The following EPB41L4B variants were observed in gnomAD, a reference collection of about 807,000 sequenced individuals.
EPB41L4B encodes band 4.1-like protein 4B.
EPB41L4B carries 30 observed loss-of-function variants against 112.5 expected under a neutral mutation model. The ratio of observed to expected loss-of-function variants is 0.27; its 90% CI spans 0.20 to 0.36. The LOEUF (loss-of-function observed/expected upper bound fraction) is 0.36, where lower values mean the gene tolerates loss of function less well. EPB41L4B is among the 10% of genes least tolerant of loss of function. The probability of loss-of-function intolerance (pLI) is 1.00; values close to 1 mark genes in which losing one functional copy is unlikely to be tolerated. For missense variants in EPB41L4B, 1,024 were observed against 1,133.3 expected, an observed-to-expected ratio of 0.90 and a Z score of 1.38; for synonymous variants, 408 against 439.7, an observed-to-expected ratio of 0.93 and a Z score of 0.90.
intron 15 of EPB41L4B, among the ~76,000 whole-genome samples, chr9:109,223,694 G>A (rs553168022): frequency 1.6e-4 from 24 of 152,196 alleles, no homozygotes; most frequent in African/African-American, 4.3e-4. Flanking sequence ...CATCCAGTTC[G>A]GTGGTTTGAA....
chr9:109,216,882 C>T lies in EPB41L4B; in HGVS notation c.1633+40G>A, dbSNP rs200083397. ...GGAACTCTCGTGCCCTGCAGCATTG[C>T]TCCCCCTTCTCCTGCCTTGCCCCCT... is the stretch of plus-strand genomic sequence containing the variant. On this transcript the variant is annotated intron_variant, in intron 16 of 25. Coordinates refer to ENST00000374566, the MANE Select transcript of EPB41L4B (RefSeq NM_019114.5). The T allele has an allele frequency of 1.8e-3, 2,935 of 1,589,516 alleles. 4 individuals carry two copies. The highest frequency in any genetic ancestry group is 2.2e-3 in the Non-Finnish European group (2,597 of 1,158,304).
intron 17 of EPB41L4B, among the ~76,000 whole-genome samples, chr9:109,213,332 A>G (rs960609643): frequency 6.6e-6 from 1 of 152,050 alleles, no homozygotes; most frequent in East Asian, 1.9e-4. Flanking sequence ...CCATCTGCAA[A>G]TGGTTACTGA....
At chr9:109,239,499 G>T (rs1834278447) in intron 15 of EPB41L4B, among the ~76,000 whole-genome samples, 1 of 152,178 alleles carries the variant, frequency 6.6e-6, no homozygotes, top group Non-Finnish European at 1.5e-5. Flanking sequence ...GAAGACTTGG[G>T]TAGACTGTGG....
chr9:109,270,768 G>C (rs545798630), intron 2 of EPB41L4B, among the ~76,000 whole-genome samples: 4 of 152,242 alleles, frequency 2.6e-5, no homozygotes, highest in African/African-American at 9.6e-5. Flanking sequence ...TCCCTCTACT[G>C]TCAAAGTCTC....
chr9:109,252,976 T>A (rs1276471945), intron 12 of EPB41L4B, among the ~76,000 whole-genome samples: 1 of 151,760 alleles, frequency 6.6e-6, no homozygotes, highest in Non-Finnish European at 1.5e-5. Context: ...AATTTAAGGG[T>A]GAGGAAAGTT....
At chr9:109,214,026 A>G (rs1052545607) in intron 16 of EPB41L4B, among the ~76,000 whole-genome samples, 1 of 152,144 alleles carries the variant, frequency 6.6e-6, no homozygotes. Context: ...CCCACACATG[A>G]GCTGGACGCC....
At chr9:109,177,993 C>T (rs1342666989) in intron 24 of EPB41L4B, among the ~76,000 whole-genome samples, 2 of 150,918 alleles carry the variant, frequency 1.3e-5, no homozygotes, top group Non-Finnish European at 1.5e-5. Context: ...AATGAGAGCT[C>T]GCTGCAGCCT....
At chr9:109,256,297 AAC>A in intron 8 of EPB41L4B, 73 bp from the exon 9 acceptor site, 2 of 1,588,094 alleles carry the variant, frequency 1.3e-6, no homozygotes, top group Admixed American at 1.7e-5. Flanking sequence ...AAAATGCAAA[AAC>A]AGTTTCCTCA....
At chr9:109,196,307 C>G (rs1381389695) in intron 20 of EPB41L4B, 1 of 151,980 alleles carries the variant, frequency 6.6e-6, no homozygotes, top group Non-Finnish European at 1.5e-5. Context: ...CCAAAGTGAG[C>G]ACTATTGAAT....
intron 15 of EPB41L4B, chr9:109,240,483 A>G: frequency 7.1e-6 from 7 of 985,402 alleles, no homozygotes; most frequent in Non-Finnish European, 7.2e-6. Flanking sequence ...AATTACATAT[A>G]CAAAAATGGC....
At chr9:109,175,468 AACAC>A (rs59210551) in intron 25 of EPB41L4B, among the ~76,000 whole-genome samples, 1,709 of 129,372 alleles carry the variant, frequency 0.013, 33 homozygotes, top group East Asian at 0.11. Context: ...CCACTGTTTA[AACAC>A]ACACACACAC....
intron 24 of EPB41L4B, among the ~76,000 whole-genome samples, chr9:109,177,214 A>G (rs1286841305): frequency 6.6e-6 from 1 of 152,162 alleles, no homozygotes; most frequent in Non-Finnish European, 1.5e-5. Context: ...GGGGTTTTTC[A>G]TTACTGTAGC....
intron 11 of EPB41L4B, 109 bp downstream of exon 11, chr9:109,255,402 C>T: frequency 7.5e-7 from 1 of 1,337,496 alleles, no homozygotes; most frequent in South Asian, 1.4e-5. Flanking sequence ...ATGGGACACA[C>T]AACCTAAGTT....
chr9:109,221,392 T>A (rs1833568377), intron 15 of EPB41L4B, among the ~76,000 whole-genome samples: 1 of 152,224 alleles, frequency 6.6e-6, no homozygotes, highest in Non-Finnish European at 1.5e-5. Context: ...CTGCAGAGAC[T>A]GGGAGCTCAT....
At chr9:109,243,547 A>G in intron 15 of EPB41L4B, 71 bp downstream of exon 15, 1 of 1,436,928 alleles carries the variant, frequency 7.0e-7, no homozygotes. Context: ...ACTCCTAACT[A>G]AGCAGAATCT....
intron 15 of EPB41L4B, chr9:109,239,979 T>C (rs926426579): frequency 5.4e-5 from 53 of 985,314 alleles, no homozygotes; most frequent in Non-Finnish European, 6.4e-5. Context: ...GCTGTGCCTA[T>C]AAGATCCACT....
intron 1 of EPB41L4B, among the ~76,000 whole-genome samples, chr9:109,314,297 A>G (rs1055315759): frequency 1.3e-5 from 2 of 152,222 alleles, no homozygotes; most frequent in Non-Finnish European, 2.9e-5. Flanking sequence ...CTAAGTCCCC[A>G]CGCAAGAATT....
At chr9:109,235,396 T>G (rs1471249411) in intron 15 of EPB41L4B, among the ~76,000 whole-genome samples, 1 of 139,232 alleles carries the variant, frequency 7.2e-6, no homozygotes, top group Admixed American at 6.9e-5. Flanking sequence ...TAGACTTTTT[T>G]TTTTTTTTTT....
chr9:109,244,208 C>T (rs1834457200), intron 14 of EPB41L4B, among the ~76,000 whole-genome samples: 1 of 151,802 alleles, frequency 6.6e-6, no homozygotes. Context: ...CTGGTTTATG[C>T]AATAAAAATA....
Sources: allele counts gnomAD v4.1 joint callset (sites outside exome capture counted in the v4.1 genomes callset), GRCh38; gene constraint gnomAD v4.1.1; transcripts MANE v1.5; gene names NCBI Gene and HGNC (gene_info 2026-07-23, HGNC 2026-07-21).